Variants in ARHGAP20 observed in about 807,000 individuals in gnomAD.
ARHGAP20 encodes the protein rho GTPase-activating protein 20.
A neutral mutation model predicts 73.7 loss-of-function variants in ARHGAP20; 34 were observed. The observed-to-expected ratio is 0.46, with a 90% CI of 0.35 to 0.61. The LOEUF is 0.61. ARHGAP20 is among the 20% of genes least tolerant of loss of function. ARHGAP20 has a pLI of 0.00. For missense variants in ARHGAP20, 1,314 were observed against 1,420.9 expected, an observed-to-expected ratio of 0.92 and a Z score of 1.21; for synonymous variants, 523 against 518.2, an observed-to-expected ratio of 1.01 and a Z score of -0.13.
chr11:110,582,380 T>C lies in ARHGAP20; in HGVS notation c.1661A>G (p.Glu554Gly), dbSNP rs772006914. 1 of 1,614,058 alleles carries C rather than the reference T, an allele frequency of 6.2e-7. No individual in the cohort carries two copies. Among genetic ancestry groups the C allele is most frequent in the Non-Finnish European group, 8.5e-7 (1 of 1,179,902 alleles). ...IENCLRIFGE[E>G]ITSLFREVSV... ...AACCTCTCTGAAGAGGGAAGTGATT[T>C]CTTCTCCAAATATCCTAAGGCAATT... The change falls in exon 14 of 15, where the codon GAA becomes GGA. Residue 554 changes from glutamate to glycine, a missense_variant. Glu to Gly is a moderately conservative substitution (Grantham distance 98). Coordinates refer to ENST00000683387, the MANE Select transcript of ARHGAP20 (RefSeq NM_001384657.1).
At chr11:110,692,741 T>C (rs541879742) in intron 1 of ARHGAP20, among the ~76,000 whole-genome samples, 74 of 152,168 alleles carry the variant, frequency 4.9e-4, no homozygotes, top group African/African-American at 1.7e-3. Context: ...AGATTCTTCA[T>C]TTAGAAACAG....
intron 13 of ARHGAP20, among the ~76,000 whole-genome samples, chr11:110,583,316 T>G (rs1947525153): frequency 6.6e-6 from 1 of 152,184 alleles, no homozygotes; most frequent in Non-Finnish European, 1.5e-5. Context: ...GCTTTATCAC[T>G]TTATGGTTTT....
chr11:110,601,386 T>C (rs1241742978), intron 9 of ARHGAP20, among the ~76,000 whole-genome samples: 2 of 152,242 alleles, frequency 1.3e-5, no homozygotes, highest in African/African-American at 4.8e-5. Flanking sequence ...ATACTCTTGC[T>C]TAAATTAGAA....
rs150049858 is a variant in ARHGAP20, at chr11:110,690,597, G to A, written c.138C>T (p.Ser46=). Residue 46 remains serine, a synonymous_variant, in exon 2 of 15, where the codon AGC becomes AGT. Transcript: ENST00000683387. ...CTTTATCCAGGATAAGAGATGGAGC[G>A]CTCCTCCTCCTTTCTGCTAGTGTTT... The part of the protein sequence containing the change: ...KMKTLAERRR[S]APSLILDKAL... The A allele has an allele frequency of 3.2e-5, 51 of 1,613,910 alleles. No individual in the cohort carries two copies. In the African/African-American group the frequency reaches 4.1e-4, roughly 13 times the overall value.
intron 2 of ARHGAP20, among the ~76,000 whole-genome samples, chr11:110,642,326 G>A (rs111435939): frequency 2.4e-4 from 37 of 152,102 alleles, no homozygotes; most frequent in African/African-American, 8.4e-4. Flanking sequence ...AGTACTATGT[G>A]GAATAAAAGT....
chr11:110,617,850 C>T (rs762942001), intron 4 of ARHGAP20, among the ~76,000 whole-genome samples: 1 of 152,022 alleles, frequency 6.6e-6, no homozygotes, highest in Non-Finnish European at 1.5e-5. Flanking sequence ...AGATCCAGGA[C>T]AGGAGAAAGC....
intron 2 of ARHGAP20, among the ~76,000 whole-genome samples, chr11:110,678,812 C>T (rs924355065): frequency 4.6e-5 from 7 of 152,122 alleles, no homozygotes; most frequent in African/African-American, 1.2e-4. Context: ...AAGGTCCACA[C>T]CACCATGCCC....
intron 1 of ARHGAP20, among the ~76,000 whole-genome samples, chr11:110,704,667 G>A (rs796191965): frequency 3.9e-5 from 6 of 152,074 alleles, no homozygotes; most frequent in East Asian, 1.9e-4. Flanking sequence ...AGAGTCTCCC[G>A]TAAGTAAATA....
In ARHGAP20 at chr11:110,577,524, G is replaced by A. The variant is rs1473559235; in HGVS notation, c.*1846C>T. 2.7e-5 allele frequency: 27 copies of A among 997,288 alleles called. No individual in the cohort carries two copies. The highest frequency in any genetic ancestry group is 3.1e-5 in the Non-Finnish European group (26 of 838,212). 61.8% of individuals were successfully genotyped at this position (997,288 alleles called of 1,614,324 possible). A position where few individuals can be genotyped will look rare whatever the true frequency, so the allele number is the denominator to read the frequency against. On this transcript the variant is annotated 3_prime_UTR_variant, in exon 15 of 15. Transcript: ENST00000683387. ...AGAAAGACACTCCAAGCCGTTAAGA[G>A]CTTCATTCACATCTTGCAGTTCTGA...
At chr11:110,689,376 A>G (rs1950199052) in intron 2 of ARHGAP20, among the ~76,000 whole-genome samples, 1 of 152,172 alleles carries the variant, frequency 6.6e-6, no homozygotes, top group African/African-American at 2.4e-5. Flanking sequence ...CACAACTTAA[A>G]GAAAAATCAT....
At position 110,668,267 on chromosome 11, in the gene ARHGAP20, C is replaced by T. The variant is rs182485613; in HGVS notation, c.188+22280G>A. ...CAGCCAACAACACTGAGACAAGACCCTCCACAAACAAAAAGTTTGTATGAT... is the reference window on the plus strand; with the variant it reads ...CAGCCAACAACACTGAGACAAGACCTTCCACAAACAAAAAGTTTGTATGAT... On this transcript the variant is annotated intron_variant, in intron 2 of 14. Transcript: ENST00000683387. 1.1e-4 allele frequency among the ~76,000 whole-genome samples: 16 copies of T among 152,272 alleles called. No individual in the cohort carries two copies. The East Asian group carries it at 2.9e-3, about 28-fold the overall frequency.
chr11:110,577,839 T>C lies in ARHGAP20; in HGVS notation c.*1531A>G. On this transcript the variant is annotated 3_prime_UTR_variant, in exon 15 of 15. Transcript: ENST00000683387. ...AACTTCTTCTATCTTAGAGAAAATA[T>C]TTTTTCCCCTATAACTGAAAATGCA... The C allele has an allele frequency of 1.0e-6, 1 of 985,658 alleles. No individual in the cohort carries two copies. The highest frequency in any genetic ancestry group is 4.7e-5 in the South Asian group (1 of 21,270). 61.1% of individuals were successfully genotyped at this position (985,658 alleles called of 1,614,324 possible).
chr11:110,686,987 TA>T (rs1456620109), intron 2 of ARHGAP20, among the ~76,000 whole-genome samples: 3 of 149,736 alleles, frequency 2.0e-5, no homozygotes, highest in Non-Finnish European at 4.4e-5. Context: ...TTATGCACCC[TA>T]ATTACTGATC....
In ARHGAP20 at chr11:110,655,011, G is replaced by A. The variant is rs944802737; in HGVS notation, c.189-24219C>T. Among the ~76,000 whole-genome samples the A allele has an allele frequency of 5.9e-5, 9 of 152,134 alleles. No individual in the cohort carries two copies. The South Asian group carries it at 1.9e-3, about 32-fold the overall frequency. ...GACCCCAACTCTGGATGTCTACATG[G>A]TGAGTTAGTATTCCATAAAAACAGA... On this transcript the variant is annotated intron_variant, in intron 2 of 14. Transcript: ENST00000683387.
At chr11:110,592,924 G>A (rs1482633565) in intron 9 of ARHGAP20, among the ~76,000 whole-genome samples, 1 of 152,172 alleles carries the variant, frequency 6.6e-6, no homozygotes, top group Non-Finnish European at 1.5e-5. Context: ...TAATCTACTA[G>A]GGATGAAGAA....
At chr11:110,611,420 A>C in intron 6 of ARHGAP20, 34 bp from the exon 7 acceptor site, 1 of 1,134,964 alleles carries the variant, frequency 8.8e-7, no homozygotes, top group Non-Finnish European at 1.2e-6. Context: ...TAGCTATAAA[A>C]TAATGAATTT....
chr11:110,703,130 T>C (rs763362992), intron 1 of ARHGAP20, among the ~76,000 whole-genome samples: 1 of 152,162 alleles, frequency 6.6e-6, no homozygotes, highest in East Asian at 1.9e-4. Flanking sequence ...TGGTCTGTGA[T>C]AAATATGATC....
intron 2 of ARHGAP20, among the ~76,000 whole-genome samples, chr11:110,661,801 T>C (rs1271091934): frequency 6.6e-6 from 1 of 152,098 alleles, no homozygotes; most frequent in African/African-American, 2.4e-5. Flanking sequence ...CTAGCAAGAA[T>C]GGGAATGGTA....
At chr11:110,640,185 A>G (rs1471704518) in intron 2 of ARHGAP20, among the ~76,000 whole-genome samples, 1 of 152,054 alleles carries the variant, frequency 6.6e-6, no homozygotes, top group African/African-American at 2.4e-5. Flanking sequence ...TATAGTTTAT[A>G]ATGAACTCCT....
Sources: gnomAD v4.1 joint callset for allele counts (sites outside exome capture counted in the v4.1 genomes callset) on GRCh38, gnomAD v4.1.1 for gene constraint, MANE v1.5 for transcripts, NCBI Gene and HGNC (gene_info 2026-07-23, HGNC 2026-07-21) for gene names.